DIS3L2: variants seen among roughly 807,000 people sequenced by gnomAD.
DIS3L2 encodes DIS3 like 3'-5' exoribonuclease 2.
A neutral mutation model predicts 97.5 loss-of-function variants in DIS3L2; 34 were observed. The ratio of observed to expected loss-of-function variants is 0.35; its 90% CI spans 0.27 to 0.46. The LOEUF is 0.46. Ranked by LOEUF, DIS3L2 falls within the 20% of genes least tolerant of loss-of-function variation. The pLI is 1.00. For missense variants in DIS3L2, 1,038 were observed against 1,146.0 expected, an observed-to-expected ratio of 0.91 and a Z score of 1.36; for synonymous variants, 435 against 445.2, an observed-to-expected ratio of 0.98 and a Z score of 0.29.
At chr2:232,171,096 C>G (rs964987417) in intron 9 of DIS3L2, among the ~76,000 whole-genome samples, 2 of 152,154 alleles carry the variant, frequency 1.3e-5, no homozygotes, top group Non-Finnish European at 2.9e-5. Flanking sequence ...CAGGGCCTAG[C>G]TAGGTGATTT....
At chr2:232,007,584 C>T (rs1694088927) in intron 1 of DIS3L2, among the ~76,000 whole-genome samples, 1 of 152,126 alleles carries the variant, frequency 6.6e-6, no homozygotes, top group Admixed American at 6.5e-5. Flanking sequence ...AGTGATCCAC[C>T]CACCTTGGCC....
intron 4 of DIS3L2, among the ~76,000 whole-genome samples, chr2:232,028,587 A>G (rs1694722355): frequency 2.6e-5 from 4 of 152,138 alleles, no homozygotes; most frequent in Admixed American, 2.6e-4. Flanking sequence ...CTTATAATAG[A>G]GGCATTTCAT....
At chr2:232,246,729 T>A (rs12471372) in intron 11 of DIS3L2, among the ~76,000 whole-genome samples, 23,039 of 152,216 alleles carry the variant, frequency 0.15, 2,664 homozygotes, top group East Asian at 0.45. Flanking sequence ...CCTTGTTGTA[T>A]TTTTTTAAGT....
chr2:232,217,938 G>T (rs1692386889), intron 10 of DIS3L2, among the ~76,000 whole-genome samples: 1 of 152,224 alleles, frequency 6.6e-6, no homozygotes, highest in African/African-American at 2.4e-5. Context: ...AGACTGAATG[G>T]AGAAACCCAG....
intron 14 of DIS3L2, chr2:232,329,474 C>G (rs1272189883): frequency 3.6e-6 from 1 of 277,056 alleles, no homozygotes; most frequent in Non-Finnish European, 6.7e-6. Flanking sequence ...GGTGCCTTCT[C>G]TGGATTGGGT....
intron 10 of DIS3L2, among the ~76,000 whole-genome samples, chr2:232,218,740 T>C (rs1332617486): frequency 6.6e-6 from 1 of 152,258 alleles, no homozygotes; most frequent in Non-Finnish European, 1.5e-5. Flanking sequence ...CATGGTCTTT[T>C]CAGTAATTTC....
chr2:232,134,106 CAG>C (rs2106353115), intron 7 of DIS3L2, among the ~76,000 whole-genome samples: 1 of 151,558 alleles, frequency 6.6e-6, no homozygotes, highest in East Asian at 1.9e-4. Flanking sequence ...AGCAGAGAAT[CAG>C]TGAACTTGAG....
At chr2:232,004,475 A>G (rs1693996127) in intron 1 of DIS3L2, among the ~76,000 whole-genome samples, 1 of 152,108 alleles carries the variant, frequency 6.6e-6, no homozygotes, top group South Asian at 2.1e-4. Context: ...TTCTGTTGAT[A>G]AAGTTTAAAC....
intron 5 of DIS3L2, among the ~76,000 whole-genome samples, chr2:232,031,514 A>G (rs931218567): frequency 7.4e-6 from 1 of 135,384 alleles, no homozygotes; most frequent in African/African-American, 2.8e-5. Context: ...TTTTTTTTAT[A>G]TTATACCCTA....
intron 1 of DIS3L2, among the ~76,000 whole-genome samples, chr2:232,000,353 A>G (rs1225169967): frequency 6.6e-6 from 1 of 152,130 alleles, no homozygotes; most frequent in Non-Finnish European, 1.5e-5. Context: ...TATACAATAG[A>G]TCTCTTGAAC....
rs939985062 is a variant in DIS3L2 at position 232,177,322 on chromosome 2, C to G, written c.1124+13690C>G. Among the ~76,000 whole-genome samples the G allele has an allele frequency of 1.4e-5, 2 of 146,562 alleles. 1 individual carries two copies. Among genetic ancestry groups the G allele is most frequent in the Non-Finnish European group, 3.0e-5 (2 of 66,136 alleles). ...TTATAGTCATTTGGGTATATATACC[C>G]AGTAATGGGATGGCTGGGTCAAATG... On this transcript the variant is annotated intron_variant, in intron 9 of 20. Transcript: ENST00000325385.
At chr2:232,060,368 G>A (rs1695670650) in intron 5 of DIS3L2, among the ~76,000 whole-genome samples, 1 of 152,016 alleles carries the variant, frequency 6.6e-6, no homozygotes, top group African/African-American at 2.4e-5. Flanking sequence ...ATAGTTTGAG[G>A]TCTTAGATTT....
intron 9 of DIS3L2, among the ~76,000 whole-genome samples, chr2:232,195,574 G>A (rs1208099823): frequency 7.6e-6 from 1 of 130,768 alleles, no homozygotes; most frequent in Non-Finnish European, 1.7e-5. Flanking sequence ...TGGGGTAGGG[G>A]TGGTGGGTGG....
At chr2:232,119,538 C>T (rs1697830729) in intron 6 of DIS3L2, among the ~76,000 whole-genome samples, 2 of 152,168 alleles carry the variant, frequency 1.3e-5, no homozygotes, top group Admixed American at 1.3e-4. Context: ...TATGTACCTA[C>T]ATTTTGGGTC....
chr2:232,143,826 A>G (rs1205682888), intron 8 of DIS3L2, among the ~76,000 whole-genome samples: 1 of 152,100 alleles, frequency 6.6e-6, no homozygotes, highest in Non-Finnish European at 1.5e-5. Flanking sequence ...GTTCTCCTGT[A>G]TCCTAAACCA....
At chr2:232,200,661 A>C (rs1165947846) in intron 9 of DIS3L2, among the ~76,000 whole-genome samples, 1 of 152,220 alleles carries the variant, frequency 6.6e-6, no homozygotes, top group African/African-American at 2.4e-5. Context: ...CTTTTAATAG[A>C]AGATAGCCAG....
chr2:232,262,410 C>T (rs937138620), intron 12 of DIS3L2, among the ~76,000 whole-genome samples: 2 of 152,070 alleles, frequency 1.3e-5, no homozygotes, highest in Non-Finnish European at 2.9e-5. Context: ...AGTGGTAATC[C>T]CACCGCTCGG....
At chr2:232,055,064 A>G (rs1695507290) in intron 5 of DIS3L2, among the ~76,000 whole-genome samples, 1 of 152,222 alleles carries the variant, frequency 6.6e-6, no homozygotes, top group African/African-American at 2.4e-5. Flanking sequence ...TCCATTCATG[A>G]TAAGTACTAG....
At chr2:232,240,524 A>G (rs531040847) in intron 11 of DIS3L2, among the ~76,000 whole-genome samples, 1 of 152,356 alleles carries the variant, frequency 6.6e-6, no homozygotes, top group African/African-American at 2.4e-5. Flanking sequence ...TCAGTGACCA[A>G]TTAGTGAGAA....
Sources: gnomAD v4.1 joint callset for allele counts (sites outside exome capture counted in the v4.1 genomes callset) on GRCh38, gnomAD v4.1.1 for gene constraint, MANE v1.5 for transcripts, NCBI Gene and HGNC (gene_info 2026-07-23, HGNC 2026-07-21) for gene names.